SDK1: variants seen among roughly 807,000 people sequenced by gnomAD.
SDK1 encodes the protein sidekick cell adhesion molecule 1.
SDK1 carries 157 observed loss-of-function variants against 245.5 expected under a neutral mutation model. That is an observed-to-expected ratio of 0.64 (90% CI 0.56 to 0.73). The LOEUF is 0.73. Ranked by LOEUF, SDK1 falls within the 30% of genes least tolerant of loss-of-function variation. The pLI is 0.00. For missense variants in SDK1, 3,583 were observed against 3,002.3 expected, an observed-to-expected ratio of 1.19 and a Z score of -4.52; for synonymous variants, 1,647 against 1,278.5, an observed-to-expected ratio of 1.29 and a Z score of -6.15.
chr7:3,646,847 G>T (rs1427801318), intron 4 of SDK1, among the ~76,000 whole-genome samples: 1 of 152,142 alleles, frequency 6.6e-6, no homozygotes. Context: ...ATTAAAAATA[G>T]GTGGAAAAGG....
chr7:3,609,344 G>T (rs1261131239), intron 1 of SDK1, among the ~76,000 whole-genome samples: 2 of 152,110 alleles, frequency 1.3e-5, no homozygotes, highest in African/African-American at 4.8e-5. Context: ...CAGACATAGG[G>T]GTTAAGTAGA....
chr7:4,148,285 G>T (rs1400060009), intron 29 of SDK1, among the ~76,000 whole-genome samples: 1 of 152,206 alleles, frequency 6.6e-6, no homozygotes, highest in South Asian at 2.1e-4. Flanking sequence ...CACACGCCAC[G>T]CATTCTAATC....
chr7:3,575,483 T>G (rs1254977662), intron 1 of SDK1, among the ~76,000 whole-genome samples: 5 of 152,028 alleles, frequency 3.3e-5, no homozygotes, highest in Non-Finnish European at 5.9e-5. Context: ...AATTTGATGT[T>G]TTTATTTAAG....
rs77689638 is a variant in SDK1, at chr7:3,970,950, G to A, written c.1715-516G>A. Among the ~76,000 whole-genome samples the A allele has an allele frequency of 3.2e-3, 493 of 152,302 alleles. 10 individuals carry two copies. In the South Asian group the frequency reaches 0.044, roughly 14 times the overall value. ...CAGGCAAGCTGGGGGTCCCCATCCC[G>A]TACTGGCTTGGGGGAGGTGGGCAAG... On this transcript the variant is annotated intron_variant, in intron 11 of 44. Coordinates refer to ENST00000404826, the MANE Select transcript of SDK1 (RefSeq NM_152744.4).
At chr7:4,038,379 G>A (rs764460805) in intron 17 of SDK1, among the ~76,000 whole-genome samples, 29 of 143,086 alleles carry the variant, frequency 2.0e-4, no homozygotes, top group Non-Finnish European at 3.9e-4. Context: ...TGAAGACAGG[G>A]AATTTTTTTT....
At chr7:4,138,607 C>T (rs1345238350) in intron 28 of SDK1, among the ~76,000 whole-genome samples, 1 of 151,860 alleles carries the variant, frequency 6.6e-6, no homozygotes, top group Non-Finnish European at 1.5e-5. Flanking sequence ...ATTAGCTGGG[C>T]ATGTTGGCAC....
In SDK1 at chr7:4,140,158, C is replaced by G. The variant is rs373671164; in HGVS notation, c.4229-5564C>G. 2.6e-3 allele frequency among the ~76,000 whole-genome samples: 396 copies of G among 152,308 alleles called. 16 individuals are homozygous for G. In the South Asian group the frequency reaches 0.073, roughly 28 times the overall value. ...CAGTGGCGCTGCTCCTGCAGGCCTT[C>G]TCTGCCGCCCCGCTCCACCCCAGCC... On this transcript the variant is annotated intron_variant, in intron 28 of 44. Transcript: ENST00000404826.
At chr7:3,837,106 T>TA (rs5882007) in intron 5 of SDK1, among the ~76,000 whole-genome samples, 1,776 of 152,272 alleles carry the variant, frequency 0.012, 37 homozygotes, top group African/African-American at 0.041. Flanking sequence ...TGTCTTCAAA[T>TA]ACAGTCACAA....
chr7:3,760,609 T>C (rs1164288387), intron 4 of SDK1, among the ~76,000 whole-genome samples: 2 of 152,242 alleles, frequency 1.3e-5, no homozygotes, highest in African/African-American at 4.8e-5. Context: ...TGGAATAATT[T>C]TGATCTTTCA....
chr7:3,337,576 A>G (rs781755584), intron 1 of SDK1, among the ~76,000 whole-genome samples: 2 of 152,208 alleles, frequency 1.3e-5, no homozygotes, highest in Non-Finnish European at 2.9e-5. Flanking sequence ...ACCCAAAGGA[A>G]TCTGTGCCAA....
intron 1 of SDK1, among the ~76,000 whole-genome samples, chr7:3,454,717 T>A (rs917772301): frequency 6.6e-6 from 1 of 152,214 alleles, no homozygotes; most frequent in African/African-American, 2.4e-5. Context: ...TTTCATGATA[T>A]GGAATATACC....
intron 2 of SDK1, among the ~76,000 whole-genome samples, chr7:3,633,960 C>A (rs1043952230): frequency 6.6e-6 from 1 of 152,058 alleles, no homozygotes; most frequent in East Asian, 1.9e-4. Flanking sequence ...TCCCCTACTC[C>A]CCTGGACTAG....
intron 14 of SDK1, among the ~76,000 whole-genome samples, chr7:3,995,068 A>G (rs1191609671): frequency 6.6e-6 from 1 of 151,936 alleles, no homozygotes; most frequent in African/African-American, 2.4e-5. Flanking sequence ...TGAAGAGGGG[A>G]TTCTAGGCTT....
At chr7:4,107,331 G>A (rs546016664) in intron 22 of SDK1, among the ~76,000 whole-genome samples, 6 of 151,948 alleles carry the variant, frequency 3.9e-5, no homozygotes, top group Admixed American at 6.5e-5. Context: ...GGAGGCTGCC[G>A]GGAAAAGCGC....
intron 1 of SDK1, among the ~76,000 whole-genome samples, chr7:3,409,081 C>G (rs898262862): frequency 1.3e-5 from 2 of 152,178 alleles, no homozygotes; most frequent in African/African-American, 4.8e-5. Flanking sequence ...TTTTCCCCCT[C>G]ACCCTTGAGA....
At chr7:4,069,998 C>T (rs1780147555) in intron 20 of SDK1, among the ~76,000 whole-genome samples, 1 of 152,148 alleles carries the variant, frequency 6.6e-6, no homozygotes, top group African/African-American at 2.4e-5. Flanking sequence ...TGCTCACTTT[C>T]CCCATCCACA....
At chr7:3,350,811 G>A (rs1158782972) in intron 1 of SDK1, among the ~76,000 whole-genome samples, 1 of 152,094 alleles carries the variant, frequency 6.6e-6, no homozygotes, top group African/African-American at 2.4e-5. Flanking sequence ...TAGTTTGTGT[G>A]ACACTGAAAA....
At chr7:3,654,208 A>G (rs1260459835) in intron 4 of SDK1, among the ~76,000 whole-genome samples, 1 of 152,144 alleles carries the variant, frequency 6.6e-6, no homozygotes, top group East Asian at 1.9e-4. Flanking sequence ...TAAAATCTAG[A>G]AAGTTCTTTT....
chr7:4,172,020 C>T (rs1166858367), intron 32 of SDK1, among the ~76,000 whole-genome samples: 1 of 152,200 alleles, frequency 6.6e-6, no homozygotes, highest in African/African-American at 2.4e-5. Flanking sequence ...GGAGCTGTGT[C>T]CAGGCTGGAG....
Sources: allele counts gnomAD v4.1 joint callset (sites outside exome capture counted in the v4.1 genomes callset), GRCh38; gene constraint gnomAD v4.1.1; transcripts MANE v1.5; gene names NCBI Gene and HGNC (gene_info 2026-07-23, HGNC 2026-07-21).